KALRN: variants seen among roughly 807,000 people sequenced by gnomAD.
The protein encoded by KALRN is kalirin.
In KALRN, 70 loss-of-function variants were observed where a neutral mutation model predicts 353.7. The ratio of observed to expected loss-of-function variants is 0.20; its 90% CI spans 0.16 to 0.24. The LOEUF is 0.24. Among genes scored for constraint, KALRN ranks in the 10% least tolerant of loss-of-function variants. The pLI is 1.00. For missense variants in KALRN, 2,791 were observed against 3,756.7 expected, an observed-to-expected ratio of 0.74 and a Z score of 6.72; for synonymous variants, 1,391 against 1,434.8, an observed-to-expected ratio of 0.97 and a Z score of 0.69.
In KALRN at chr3:124,697,413, C is replaced by T. The variant is rs558177154; in HGVS notation, c.7700-180C>T. Among the ~76,000 whole-genome samples, 183 of 152,340 alleles carry T rather than the reference C, an allele frequency of 1.2e-3. 1 individual carries two copies. In the Middle Eastern group the frequency reaches 0.02, roughly 17 times the overall value. ...ATTTAGCCCAAGGAAGAACTTCAGACAGCATGGTGTGTCTCCCACATCTGC... is the reference window on the plus strand; with the variant it reads ...ATTTAGCCCAAGGAAGAACTTCAGATAGCATGGTGTGTCTCCCACATCTGC... On this transcript the variant is annotated intron_variant, in intron 54 of 59. Transcript: ENST00000682506.
At chr3:124,074,030 G>A (rs2149281138) in intron 1 of KALRN, among the ~76,000 whole-genome samples, 1 of 152,106 alleles carries the variant, frequency 6.6e-6, no homozygotes, top group Middle Eastern at 3.4e-3. Context: ...ATAGAGCAAA[G>A]AAAGTGTTGC....
chr3:124,603,512 A>G (rs542068556), intron 34 of KALRN, among the ~76,000 whole-genome samples: 2 of 152,220 alleles, frequency 1.3e-5, no homozygotes, highest in East Asian at 3.9e-4. Flanking sequence ...TTCCTCAGCT[A>G]TTCTTCCTTC....
At chr3:124,478,263 ATCTG>A (rs2061613205) in intron 27 of KALRN, among the ~76,000 whole-genome samples, 1 of 152,222 alleles carries the variant, frequency 6.6e-6, no homozygotes, top group Non-Finnish European at 1.5e-5. Flanking sequence ...TTTAAAGGTT[ATCTG>A]TCTATATGCC....
chr3:124,124,675 C>T (rs1489947892), intron 1 of KALRN, among the ~76,000 whole-genome samples: 1 of 152,234 alleles, frequency 6.6e-6, no homozygotes, highest in Non-Finnish European at 1.5e-5. Flanking sequence ...GGCACTCCCA[C>T]CTTCAGCAAC....
intron 1 of KALRN, among the ~76,000 whole-genome samples, chr3:124,077,813 C>G (rs2060336771): frequency 6.6e-6 from 1 of 152,188 alleles, no homozygotes; most frequent in African/African-American, 2.4e-5. Flanking sequence ...AACTTGGCAT[C>G]CCAGGCTCCA....
intron 54 of KALRN, among the ~76,000 whole-genome samples, chr3:124,696,869 T>G (rs2062077328): frequency 2.6e-5 from 4 of 152,218 alleles, no homozygotes; most frequent in Non-Finnish European, 5.9e-5. Flanking sequence ...TCCTCCCCAG[T>G]GCTTCTTGGC....
intron 18 of KALRN, 36 bp from the exon 19 acceptor site, chr3:124,441,909 G>C: frequency 8.9e-6 from 12 of 1,355,502 alleles, no homozygotes; most frequent in Non-Finnish European, 1.2e-5. Context: ...CCATACACCT[G>C]CTGGGACAGG....
chr3:124,334,217 C>A lies in KALRN; in HGVS notation c.1417-48C>A. The A allele has an allele frequency of 6.6e-7, 1 of 1,505,146 alleles. No individual in the cohort carries two copies. The highest frequency in any genetic ancestry group is 1.1e-5 in the South Asian group (1 of 88,548). 93.2% of individuals were successfully genotyped at this position (1,505,146 alleles called of 1,614,324 possible). A position where few individuals can be genotyped will look rare whatever the true frequency, so the allele number is the denominator to read the frequency against. On this transcript the variant is annotated intron_variant, in intron 8 of 59. Transcript: ENST00000682506. This position sits in a 1 kb window ranked among gnomAD's most constrained non-coding sequence, Gnocchi z 4.2. Reference sequence around the variant, plus strand: ...GACACTTCCTGCTTCTCTCTGTGCCCTGCCTATCACCCTTTTCCCTTAACT... The same window carrying A: ...GACACTTCCTGCTTCTCTCTGTGCCATGCCTATCACCCTTTTCCCTTAACT...
At chr3:124,133,670 A>G (rs2065580462) in intron 1 of KALRN, among the ~76,000 whole-genome samples, 1 of 152,184 alleles carries the variant, frequency 6.6e-6, no homozygotes, top group Non-Finnish European at 1.5e-5. Flanking sequence ...ATGTTCCTGG[A>G]GAAGGAGTTT....
At chr3:124,210,936 T>A (rs1400089243) in intron 1 of KALRN, among the ~76,000 whole-genome samples, 1 of 152,254 alleles carries the variant, frequency 6.6e-6, no homozygotes, top group Admixed American at 6.5e-5. Context: ...GGAACTATAA[T>A]GTTCTCACCT....
chr3:124,718,057 C>T (rs1039892615), intron 59 of KALRN, among the ~76,000 whole-genome samples: 1 of 151,740 alleles, frequency 6.6e-6, no homozygotes, highest in Admixed American at 6.6e-5. Context: ...AGTGATCTGC[C>T]CGCCTTGGCC....
chr3:124,613,098 G>A (rs771173839), intron 34 of KALRN, among the ~76,000 whole-genome samples: 68 of 152,294 alleles, frequency 4.5e-4, no homozygotes, highest in Non-Finnish European at 8.8e-4. Context: ...TATAGTAAAG[G>A]AAAAGTGGCC....
At chr3:124,636,049 C>T (rs995005180) in intron 36 of KALRN, among the ~76,000 whole-genome samples, 9 of 152,210 alleles carry the variant, frequency 5.9e-5, no homozygotes, top group South Asian at 2.1e-4. Flanking sequence ...TCCACATGGA[C>T]GTAAGCTTTT....
intron 39 of KALRN, among the ~76,000 whole-genome samples, chr3:124,656,853 G>A (rs2150169110): frequency 6.6e-6 from 1 of 152,180 alleles, no homozygotes; most frequent in South Asian, 2.1e-4. Flanking sequence ...GGGTGGAAGA[G>A]GTACAATAGC....
intron 10 of KALRN, among the ~76,000 whole-genome samples, chr3:124,368,200 A>C (rs1458519312): frequency 0.28 from 4,368 of 15,836 alleles, 833 homozygotes; most frequent in East Asian, 0.65. Flanking sequence ...CTGACCCCCC[A>C]CACCTCCCTC....
intron 5 of KALRN, among the ~76,000 whole-genome samples, chr3:124,285,240 C>T (rs1338721993): frequency 6.6e-6 from 1 of 152,148 alleles, no homozygotes; most frequent in Non-Finnish European, 1.5e-5. Context: ...GTTCAATATA[C>T]TACTCTAGAA....
At chr3:124,659,315 C>T (rs1018152508) in intron 42 of KALRN, 50 bp from the exon 43 acceptor site, 4 of 1,265,532 alleles carry the variant, frequency 3.2e-6, no homozygotes, top group Middle Eastern at 1.9e-4. Flanking sequence ...ATTCAAAGCA[C>T]CCCAGTTCTT....
At position 124,632,566 on chromosome 3, in the gene KALRN, G is replaced by T; in HGVS notation, c.5329G>T (p.Val1777Leu). 1 of 1,614,214 alleles carries T rather than the reference G, an allele frequency of 6.2e-7. No individual in the cohort carries two copies. Among genetic ancestry groups the T allele is most frequent in the Admixed American group, 1.7e-5 (1 of 60,028 alleles). ...NTLKKWLTSP[V>L]RRLNSGKADG... Reference sequence around the variant, plus strand: ...TCTTAAGAAGTGGCTGACGAGTCCTGTGCGTCGGCTTAACAGCGGGAAGGC... The same window carrying T: ...TCTTAAGAAGTGGCTGACGAGTCCTTTGCGTCGGCTTAACAGCGGGAAGGC... Residue 1777 changes from valine to leucine, a missense_variant, in exon 35 of 60, where the codon GTG becomes TTG. This residue lies in a region of KALRN where 1,065 missense variants were observed against 1,156.4 expected (regional missense o/e 0.92). Coordinates refer to ENST00000682506, the MANE Select transcript of KALRN (RefSeq NM_001388419.1).
intron 10 of KALRN, among the ~76,000 whole-genome samples, chr3:124,362,104 G>C (rs1190018529): frequency 2.0e-5 from 3 of 152,070 alleles, no homozygotes; most frequent in Admixed American, 6.6e-5. Context: ...AGAACATGTG[G>C]GTAGCTGAGG....
Sources: gnomAD v4.1 joint callset for allele counts (sites outside exome capture counted in the v4.1 genomes callset) on GRCh38, gnomAD v4.1.1 for gene constraint, gnomAD v4.1.1 regional missense constraint, Gnocchi (gnomAD v3.1) non-coding constraint, MANE v1.5 for transcripts, NCBI Gene and HGNC (gene_info 2026-07-23, HGNC 2026-07-21) for gene names.